Variants in MTR observed in about 807,000 individuals in gnomAD.
MTR encodes the protein 5-methyltetrahydrofolate-homocysteine methyltransferase, also known as methionine synthase.
Under a neutral mutation model 154.8 loss-of-function variants are expected in MTR, and 84 were observed. The observed-to-expected ratio is 0.54, with a 90% CI of 0.45 to 0.65. The LOEUF (loss-of-function observed/expected upper bound fraction) is 0.65, where lower values mean the gene tolerates loss of function less well. Ranked by LOEUF, MTR falls within the 30% of genes least tolerant of loss-of-function variation. The pLI is 0.00. For missense variants in MTR, 1,275 were observed against 1,570.2 expected, an observed-to-expected ratio of 0.81 and a Z score of 3.18; for synonymous variants, 554 against 553.9, an observed-to-expected ratio of 1.00 and a Z score of 0.00.
At chr1:236,881,554 C>T (rs914956064) in intron 25 of MTR, among the ~76,000 whole-genome samples, 1 of 151,994 alleles carries the variant, frequency 6.6e-6, no homozygotes, top group Non-Finnish European at 1.5e-5. Flanking sequence ...CATCCCGCTC[C>T]TAGTGTCCAT....
At position 236,850,376 on chromosome 1, in the gene MTR, C is replaced by T. The variant is rs1457866471; in HGVS notation, c.1548C>T (p.Cys516=). ...AAACAGACACAAAAATCAGAGTGTG[C>T]ACCCGGGCCTACCATCTGCTTGTGA... ...ATETDTKIRV[C]TRAYHLLVKK... The change falls in exon 16 of 33, where the codon TGC becomes TGT. Residue 516 remains cysteine (C), a synonymous_variant. Coordinates refer to ENST00000366577, the MANE Select transcript of MTR (RefSeq NM_000254.3). 1.9e-6 allele frequency: 3 copies of T among 1,613,604 alleles called. No homozygotes were observed. The highest frequency in any genetic ancestry group is 2.2e-5 in the South Asian group (2 of 91,048).
At chr1:236,850,255 T>G in intron 15 of MTR, 89 bp from the exon 16 acceptor site, 1 of 847,998 alleles carries the variant, frequency 1.2e-6, no homozygotes, top group Non-Finnish European at 1.6e-6. Context: ...TATTAATATT[T>G]TATTAAAATA....
chr1:236,863,381 G>T, intron 21 of MTR, 73 bp from the exon 22 acceptor site: 2 of 1,192,780 alleles, frequency 1.7e-6, no homozygotes, highest in Non-Finnish European at 2.5e-6. Flanking sequence ...GCTGGCCCCT[G>T]CCTGGCTCTG....
At chr1:236,838,133 C>T (rs968628432) in intron 14 of MTR, among the ~76,000 whole-genome samples, 1 of 152,162 alleles carries the variant, frequency 6.6e-6, no homozygotes, top group African/African-American at 2.4e-5. Context: ...GTGTACTGCA[C>T]TGAAGCCAGT....
rs376684560 is a variant in MTR, at chr1:236,838,446, T to G, written c.1362T>G (p.Ala454=). The stretch of plus-strand genomic sequence containing the variant: ...TGTGCATCGACTCCTCCAATTTTGC[T>G]GTGATTGAAGCTGGGTTAAAGTGCT... ...VPLCIDSSNF[A]VIEAGLKCCQ... Residue 454 remains alanine (A), a synonymous_variant, in exon 15 of 33, where the codon GCT becomes GCG. Coordinates refer to ENST00000366577, the MANE Select transcript of MTR (RefSeq NM_000254.3). The G allele has an allele frequency of 8.1e-6, 13 of 1,614,154 alleles. No individual in the cohort carries two copies. In the East Asian group the frequency reaches 1.6e-4, roughly 19 times the overall value.
chr1:236,901,453 T>C lies in MTR; in HGVS notation c.*3809T>C, dbSNP rs969998872. The C allele has an allele frequency of 6.8e-6, 1 of 147,050 alleles. No homozygotes were observed. Among genetic ancestry groups the C allele is most frequent in the Non-Finnish European group, 1.5e-5 (1 of 68,006 alleles). The allele number at this position is 147,050 out of a possible 1,614,324, so 9.1% of individuals were successfully genotyped here. A position where few individuals can be genotyped will look rare whatever the true frequency, so the allele number is the denominator to read the frequency against. On this transcript the variant is annotated 3_prime_UTR_variant, in exon 33 of 33. Transcript: ENST00000366577. ...GTGCAGAAGTCTTTAAAAACAATTATTTTAACCCAACTTCCAGGGAGACTG... is the reference window on the plus strand; with the variant it reads ...GTGCAGAAGTCTTTAAAAACAATTACTTTAACCCAACTTCCAGGGAGACTG...
intron 15 of MTR, among the ~76,000 whole-genome samples, chr1:236,847,512 C>T (rs995104429): frequency 2.0e-5 from 3 of 152,216 alleles, no homozygotes; most frequent in African/African-American, 7.2e-5. Flanking sequence ...CACAGTCTAG[C>T]TTCTCTATGG....
At chr1:236,852,384 CAAG>C (rs1558311072) in intron 16 of MTR, 134 bp from the exon 17 acceptor site, 6 of 722,124 alleles carry the variant, frequency 8.3e-6, no homozygotes, top group African/African-American at 1.8e-5. Context: ...TGTCTAGTAA[CAAG>C]AAGCTCTGAA....
intron 13 of MTR, among the ~76,000 whole-genome samples, chr1:236,834,857 G>A (rs1662813829): frequency 6.6e-6 from 1 of 152,084 alleles, no homozygotes; most frequent in Non-Finnish European, 1.5e-5. Flanking sequence ...ATCATAAGTG[G>A]GAAATGCTGT....
chr1:236,835,436 G>A (rs937151893), intron 13 of MTR, 111 bp from the exon 14 acceptor site: 10 of 1,357,034 alleles, frequency 7.4e-6, no homozygotes, highest in Non-Finnish European at 1.1e-5. Context: ...AGTCTGGCGA[G>A]GTAGTCTGTG....
At chr1:236,814,146 G>A (rs1661461002) in intron 6 of MTR, among the ~76,000 whole-genome samples, 2 of 152,176 alleles carry the variant, frequency 1.3e-5, no homozygotes, top group Admixed American at 6.5e-5. Context: ...CTACCAGCCT[G>A]AAGCTAGATG....
At chr1:236,849,881 A>G (rs1310765561) in intron 15 of MTR, among the ~76,000 whole-genome samples, 11 of 152,238 alleles carry the variant, frequency 7.2e-5, no homozygotes, top group Admixed American at 6.5e-4. Flanking sequence ...TGAGAAAGCA[A>G]TGGCAGTGTT....
chr1:236,836,835 G>A (rs1662935647), intron 14 of MTR, among the ~76,000 whole-genome samples: 1 of 152,172 alleles, frequency 6.6e-6, no homozygotes, highest in African/African-American at 2.4e-5. Flanking sequence ...TTGTTTATCA[G>A]CTTAGTATTG....
rs1183129985 is a variant in MTR at position 236,808,785 on chromosome 1, T to A, written c.409+12T>A. The A allele has an allele frequency of 6.2e-7, 1 of 1,613,318 alleles. No homozygotes were observed. ...AACTCTCCAGACAGGTAGGGAATGT[T>A]CTTCTCTTTTTTTGCACACGTGGTT... On this transcript the variant is annotated intron_variant, in intron 4 of 32. Transcript: ENST00000366577.
rs535533792 is a variant in MTR, at chr1:236,865,385, T to C, written c.2405+1831T>C. Among the ~76,000 whole-genome samples, 48 of 152,366 alleles carry C rather than the reference T, an allele frequency of 3.2e-4. No homozygotes were observed. The Middle Eastern group carries it at 0.01, about 32-fold the overall frequency. ...AGTTTAATTTTATGGTGTCAGCTAG[T>C]AGACAAGTGTCCCTGGAGATTGTCT... On this transcript the variant is annotated intron_variant, in intron 22 of 32. Transcript: ENST00000366577.
rs1292623995 is a variant in MTR at position 236,795,685 on chromosome 1, A to C, written c.-19A>C. On this transcript the variant is annotated 5_prime_UTR_variant, in exon 1 of 33. Coordinates refer to ENST00000366577, the MANE Select transcript of MTR (RefSeq NM_000254.3). Reference sequence around the variant, plus strand: ...GTCTTCTCTGCCGCGCCCTCTGCGCAAGGAGGAGACTCGACAACATGTCAC... The same window carrying C: ...GTCTTCTCTGCCGCGCCCTCTGCGCCAGGAGGAGACTCGACAACATGTCAC... The C allele has an allele frequency of 2.5e-6, 4 of 1,613,882 alleles. No individual in the cohort carries two copies. Among genetic ancestry groups the C allele is most frequent in the Non-Finnish European group, 3.4e-6 (4 of 1,180,018 alleles).
chr1:236,883,175 T>A (rs1187371543), intron 25 of MTR, among the ~76,000 whole-genome samples: 2 of 152,252 alleles, frequency 1.3e-5, no homozygotes, highest in African/African-American at 2.4e-5. Context: ...ATTGTGTGGC[T>A]GTTGCCATGA....
intron 8 of MTR, among the ~76,000 whole-genome samples, chr1:236,817,595 G>T (rs1383964670): frequency 6.6e-6 from 1 of 152,110 alleles, no homozygotes; most frequent in Non-Finnish European, 1.5e-5. Flanking sequence ...AACAAGAAGG[G>T]TACTGAGACT....
At chr1:236,804,271 T>C (rs1404014066) in intron 2 of MTR, among the ~76,000 whole-genome samples, 1 of 152,210 alleles carries the variant, frequency 6.6e-6, no homozygotes, top group Non-Finnish European at 1.5e-5. Flanking sequence ...CCTAGTGTGA[T>C]GGTATTAGGA....
Sources: allele counts gnomAD v4.1 joint callset (sites outside exome capture counted in the v4.1 genomes callset), GRCh38; gene constraint gnomAD v4.1.1; transcripts MANE v1.5; gene names NCBI Gene and HGNC (gene_info 2026-07-23, HGNC 2026-07-21).